The following ZFAND3 variants were observed in gnomAD, a reference collection of about 807,000 sequenced individuals.
ZFAND3 encodes zinc finger AN1-type containing 3.
Under a neutral mutation model 29.6 loss-of-function variants are expected in ZFAND3, and 10 were observed. The observed-to-expected ratio is 0.34, with a 90% confidence interval of 0.21 to 0.57. The LOEUF (loss-of-function observed/expected upper bound fraction) is 0.57. ZFAND3 is among the 20% of genes least tolerant of loss of function. The probability of loss-of-function intolerance (pLI) is 0.86; values close to 1 mark genes in which losing one functional copy is unlikely to be tolerated. For synonymous variants in ZFAND3, 128 were observed against 112.6 expected (o/e 1.14, Z -0.87); for missense variants, 230 against 304.5 (o/e 0.76, Z 1.82).
At chr6:37,984,066 G>A (rs1762625200) in intron 2 of ZFAND3, among the ~76,000 whole-genome samples, 1 of 152,132 alleles carries the variant, frequency 6.6e-6, no homozygotes, top group Non-Finnish European at 1.5e-5. Context: ...AGCACAGTTG[G>A]ATATAATTGA....
At chr6:37,907,903 T>A (rs1409099617) in intron 1 of ZFAND3, among the ~76,000 whole-genome samples, 1 of 152,228 alleles carries the variant, frequency 6.6e-6, no homozygotes, top group African/African-American at 2.4e-5. Context: ...TATTTCAGCA[T>A]GAATTTCCTA....
chr6:37,950,722 G>T (rs540144742), intron 2 of ZFAND3, among the ~76,000 whole-genome samples: 1 of 152,176 alleles, frequency 6.6e-6, no homozygotes, highest in South Asian at 2.1e-4. Flanking sequence ...TTTATTTTGG[G>T]TTCTCTAACC....
At chr6:37,846,801 G>A (rs932249448) in intron 1 of ZFAND3, among the ~76,000 whole-genome samples, 1 of 149,560 alleles carries the variant, frequency 6.7e-6, no homozygotes, top group East Asian at 2.0e-4. Context: ...AACCTCCGCC[G>A]CCCAGGTTCA....
chr6:37,862,068 T>A (rs558851814), intron 1 of ZFAND3, among the ~76,000 whole-genome samples: 5 of 152,182 alleles, frequency 3.3e-5, no homozygotes, highest in African/African-American at 9.6e-5. Flanking sequence ...GGAAATAGCC[T>A]AAGAAAATTT....
intron 1 of ZFAND3, among the ~76,000 whole-genome samples, chr6:37,865,907 C>T (rs73419422): frequency 0.067 from 10,139 of 152,248 alleles, 404 homozygotes; most frequent in Non-Finnish European, 0.085. Context: ...TTTCACCCTT[C>T]AGTCTTCCTG....
chr6:38,057,883 C>T (rs1167420598), intron 2 of ZFAND3, among the ~76,000 whole-genome samples: 1 of 152,186 alleles, frequency 6.6e-6, no homozygotes, highest in Non-Finnish European at 1.5e-5. Context: ...AGAGCTTCTA[C>T]TCCTCTCTTT....
rs530590765 is a variant in ZFAND3 at position 38,071,453 on chromosome 6, A to G, written c.295+9678A>G. Among the ~76,000 whole-genome samples, 3 of 152,218 alleles carry G rather than the reference A, an allele frequency of 2.0e-5. 1 individual carries two copies. Among genetic ancestry groups the G allele is most frequent in the African/African-American group, 7.2e-5 (3 of 41,566 alleles). On this transcript the variant is annotated intron_variant, in intron 3 of 5. Coordinates refer to ENST00000287218, the MANE Select transcript of ZFAND3 (RefSeq NM_021943.3). Reference sequence around the variant, plus strand: ...CAAGTGGATAACCAGTTATGCAAAAACCATTCATTGAATAGTCCTAGTTTA... The same window carrying G: ...CAAGTGGATAACCAGTTATGCAAAAGCCATTCATTGAATAGTCCTAGTTTA...
At chr6:37,907,663 CTA>C (rs34780678) in intron 1 of ZFAND3, among the ~76,000 whole-genome samples, 45,377 of 151,942 alleles carry the variant, frequency 0.3, 7,451 homozygotes, top group Non-Finnish European at 0.38. Flanking sequence ...TAGTTTTTGA[CTA>C]TTATGCATAA....
At position 37,847,708 on chromosome 6, in the gene ZFAND3, A is replaced by G. The variant is rs146365570; in HGVS notation, c.71+27692A>G. 2.0e-5 allele frequency among the ~76,000 whole-genome samples: 3 copies of G among 151,696 alleles called. No individual in the cohort carries two copies. The East Asian group carries it at 6.4e-4, about 32-fold the overall frequency. ...GAAGTTAATCTGTTACATGTAAAGGATGCCTTGGGAATAGGTCAGTAAACT... is the reference window on the plus strand; with the variant it reads ...GAAGTTAATCTGTTACATGTAAAGGGTGCCTTGGGAATAGGTCAGTAAACT... On this transcript the variant is annotated intron_variant, in intron 1 of 5. Transcript: ENST00000287218.
intron 1 of ZFAND3, among the ~76,000 whole-genome samples, chr6:37,837,681 A>G (rs186240953): frequency 4.9e-4 from 75 of 151,924 alleles, no homozygotes; most frequent in African/African-American, 1.8e-3. Context: ...ACTTTTTTGT[A>G]TTTTTAATAG....
chr6:37,878,386 C>A (rs1304659865), intron 1 of ZFAND3, among the ~76,000 whole-genome samples: 2 of 152,194 alleles, frequency 1.3e-5, no homozygotes, highest in African/African-American at 4.8e-5. Context: ...CTTGAACGCC[C>A]TGCTGAGTAG....
intron 1 of ZFAND3, among the ~76,000 whole-genome samples, chr6:37,858,368 A>G (rs1406157677): frequency 2.0e-5 from 3 of 152,226 alleles, no homozygotes; most frequent in African/African-American, 7.2e-5. Context: ...TCAAGACTTC[A>G]CCAGAATGCC....
At chr6:38,086,475 G>A (rs1369273837) in intron 4 of ZFAND3, among the ~76,000 whole-genome samples, 1 of 152,140 alleles carries the variant, frequency 6.6e-6, no homozygotes, top group East Asian at 1.9e-4. Context: ...CATACCTTCA[G>A]ATTACTAGAC....
In ZFAND3 at chr6:38,154,382, T is replaced by TG. The variant is rs1367446592; in HGVS notation, c.*1999dup. ...CTTCCTGACTTAGAGCTGGGGGGGG[T>TG]GGGGGGTGGGGCTTGTTCCCCTGCA... On this transcript the variant is annotated 3_prime_UTR_variant, in exon 6 of 6. Transcript: ENST00000287218. 14 of 221,660 alleles carry TG rather than the reference T, an allele frequency of 6.3e-5. No homozygotes were observed. Among genetic ancestry groups the TG allele is most frequent in the South Asian group, 1.8e-4 (1 of 5,620 alleles). 13.7% of individuals were successfully genotyped at this position (221,660 alleles called of 1,614,324 possible).
intron 2 of ZFAND3, among the ~76,000 whole-genome samples, chr6:38,041,696 T>TCTCCTC (rs1229060759): frequency 4.6e-5 from 1 of 21,864 alleles, no homozygotes; most frequent in Non-Finnish European, 7.7e-5. Context: ...TCCTTCTCCT[T>TCTCCTC]CTCCTCCTCC....
At chr6:38,117,348 A>G (rs1765440956) in intron 5 of ZFAND3, among the ~76,000 whole-genome samples, 1 of 146,004 alleles carries the variant, frequency 6.8e-6, no homozygotes, top group African/African-American at 2.6e-5. Flanking sequence ...GCCACCATAT[A>G]CCCAGTCTGA....
At chr6:38,116,517 T>G in intron 4 of ZFAND3, 55 bp from the exon 5 acceptor site, 1 of 1,548,608 alleles carries the variant, frequency 6.5e-7, no homozygotes, top group Non-Finnish European at 8.8e-7. Flanking sequence ...ATTAATCAAC[T>G]GTGCTTGCCA....
intron 2 of ZFAND3, among the ~76,000 whole-genome samples, chr6:37,965,767 A>T (rs1261969406): frequency 6.6e-6 from 1 of 152,086 alleles, no homozygotes; most frequent in Non-Finnish European, 1.5e-5. Context: ...TGGCCAGAAG[A>T]ATAACTTTTT....
intron 1 of ZFAND3, among the ~76,000 whole-genome samples, chr6:37,879,512 G>A (rs190624236): frequency 1.3e-5 from 2 of 152,172 alleles, no homozygotes; most frequent in African/African-American, 4.8e-5. Context: ...TTTTCTCTCT[G>A]TGTAACTGAC....
Sources: gnomAD v4.1 joint callset for allele counts (sites outside exome capture counted in the v4.1 genomes callset) on GRCh38, gnomAD v4.1.1 for gene constraint, MANE v1.5 for transcripts, NCBI Gene and HGNC (gene_info 2026-07-23, HGNC 2026-07-21) for gene names.